Variants in CNTN4 observed in about 807,000 individuals in gnomAD.
The protein encoded by CNTN4 is contactin 4, also known as contactin-4.
Under a neutral mutation model 122.5 loss-of-function variants are expected in CNTN4, and 77 were observed. That is an observed-to-expected ratio of 0.63 (90% CI 0.52 to 0.76). The LOEUF is 0.76. Among genes scored for constraint, CNTN4 ranks in the 30% least tolerant of loss-of-function variants. The pLI is 0.00. For missense variants in CNTN4, 1,256 were observed against 1,259.1 expected, an observed-to-expected ratio of 1.00 and a Z score of 0.04; for synonymous variants, 512 against 447.0, an observed-to-expected ratio of 1.15 and a Z score of -1.83.
intron 2 of CNTN4, among the ~76,000 whole-genome samples, chr3:2,130,939 C>T (rs1332195036): frequency 6.6e-6 from 1 of 152,104 alleles, no homozygotes; most frequent in Non-Finnish European, 1.5e-5. Context: ...TCATAAAGAG[C>T]ATCTTTTTCA....
intron 4 of CNTN4, among the ~76,000 whole-genome samples, chr3:2,649,011 A>G (rs1391415400): frequency 1.3e-5 from 2 of 152,182 alleles, no homozygotes; most frequent in African/African-American, 4.8e-5. Flanking sequence ...AATCCAAAGC[A>G]AGGCCCTAAT....
intron 4 of CNTN4, among the ~76,000 whole-genome samples, chr3:2,646,976 A>T (rs554023336): frequency 1.6e-4 from 25 of 152,340 alleles, no homozygotes; most frequent in Middle Eastern, 3.4e-3. Context: ...TTGGGGAAAC[A>T]TAATTTAGCT....
chr3:2,700,047 TA>T (rs1178669455), intron 4 of CNTN4, among the ~76,000 whole-genome samples: 1 of 152,060 alleles, frequency 6.6e-6, no homozygotes, highest in Non-Finnish European at 1.5e-5. Flanking sequence ...CTGCCTACCC[TA>T]ATCATTCCAC....
intron 4 of CNTN4, among the ~76,000 whole-genome samples, chr3:2,632,833 G>A (rs1324347609): frequency 6.6e-6 from 1 of 152,066 alleles, no homozygotes; most frequent in Non-Finnish European, 1.5e-5. Flanking sequence ...GAAAAGCTGA[G>A]TAAATTCCCC....
At chr3:2,926,961 C>T (rs1156425193) in intron 13 of CNTN4, among the ~76,000 whole-genome samples, 1 of 152,128 alleles carries the variant, frequency 6.6e-6, no homozygotes, top group Non-Finnish European at 1.5e-5. Flanking sequence ...CAGTCATCAA[C>T]ATGAGATTCA....
intron 6 of CNTN4, among the ~76,000 whole-genome samples, chr3:2,770,774 A>G (rs1368632712): frequency 6.6e-6 from 1 of 152,198 alleles, no homozygotes; most frequent in Non-Finnish European, 1.5e-5. Flanking sequence ...TTGACAGGCA[A>G]TGCTTAGTGT....
chr3:2,122,502 G>T (rs1167091317), intron 2 of CNTN4, among the ~76,000 whole-genome samples: 1 of 152,092 alleles, frequency 6.6e-6, no homozygotes, highest in Non-Finnish European at 1.5e-5. Context: ...TTGTACAAAG[G>T]CCATAATACT....
intron 13 of CNTN4, among the ~76,000 whole-genome samples, chr3:2,932,291 T>C (rs1307538594): frequency 6.6e-6 from 1 of 152,114 alleles, no homozygotes. Flanking sequence ...GGCAGGAGAA[T>C]GGCGTGAACC....
chr3:2,933,511 G>A (rs1029191881), intron 13 of CNTN4, among the ~76,000 whole-genome samples: 1 of 152,156 alleles, frequency 6.6e-6, no homozygotes, highest in Non-Finnish European at 1.5e-5. Context: ...CAAAAGGAAA[G>A]CAGTGTTGCG....
intron 3 of CNTN4, among the ~76,000 whole-genome samples, chr3:2,502,623 A>T (rs1488438860): frequency 1.3e-5 from 2 of 151,992 alleles, no homozygotes; most frequent in Admixed American, 6.6e-5. Flanking sequence ...TTCACACATA[A>T]TTTTGTTATT....
chr3:2,884,632 T>A (rs2093949215), intron 9 of CNTN4, among the ~76,000 whole-genome samples: 1 of 152,176 alleles, frequency 6.6e-6, no homozygotes, highest in South Asian at 2.1e-4. Context: ...TTTTAAAGTA[T>A]TTGTGTATAA....
At chr3:2,744,595 G>T (rs940280684) in intron 5 of CNTN4, among the ~76,000 whole-genome samples, 3 of 152,228 alleles carry the variant, frequency 2.0e-5, no homozygotes, top group African/African-American at 7.2e-5. Context: ...TGTAAGAGTT[G>T]TGGGGGTAAA....
At position 2,385,839 on chromosome 3, in the gene CNTN4, C is replaced by T. The variant is rs747441578; in HGVS notation, c.-89+46606C>T. 1.3e-5 allele frequency among the ~76,000 whole-genome samples: 2 copies of T among 151,980 alleles called. No individual in the cohort carries two copies. The highest frequency in any genetic ancestry group is 1.9e-4 in the East Asian group (1 of 5,172). The stretch of plus-strand genomic sequence containing the variant: ...CAAATAAGGTCACATTCACACGTAC[C>T]AGGGGTCAAGACTTCAACACATCTT... On this transcript the variant is annotated intron_variant, in intron 3 of 24. Coordinates refer to ENST00000418658, the MANE Select transcript of CNTN4 (RefSeq NM_175607.3). The surrounding 1 kb of genome is among the most constrained non-coding windows in gnomAD (Gnocchi z 4.0).
chr3:2,206,321 T>C (rs917096951), intron 2 of CNTN4, among the ~76,000 whole-genome samples: 3 of 152,084 alleles, frequency 2.0e-5, no homozygotes, highest in African/African-American at 4.8e-5. Flanking sequence ...GGCTTCTGTA[T>C]CTAGGGATGA....
intron 3 of CNTN4, among the ~76,000 whole-genome samples, chr3:2,460,560 C>G (rs1266186047): frequency 1.3e-5 from 2 of 152,090 alleles, no homozygotes; most frequent in African/African-American, 2.4e-5. Context: ...GTACATGACC[C>G]CTTTATCCTC....
chr3:3,004,815 G>A (rs756311384), intron 14 of CNTN4, among the ~76,000 whole-genome samples: 18 of 152,310 alleles, frequency 1.2e-4, no homozygotes, highest in East Asian at 1.2e-3. Context: ...ATGCCATTGT[G>A]TACTTGGCTT....
chr3:2,332,971 C>G (rs1364349145), intron 2 of CNTN4, among the ~76,000 whole-genome samples: 1 of 152,176 alleles, frequency 6.6e-6, no homozygotes, highest in African/African-American at 2.4e-5. Context: ...TCTCCAAATT[C>G]TAAACCATGT....
chr3:2,687,245 C>A, intron 4 of CNTN4, among the ~76,000 whole-genome samples: 1 of 7,138 alleles, frequency 1.4e-4, no homozygotes, highest in African/African-American at 4.8e-4. Flanking sequence ...GCTGAGCAGA[C>A]ATTGCCTTCT....
At chr3:2,453,054 A>G (rs1213641860) in intron 3 of CNTN4, among the ~76,000 whole-genome samples, 1 of 152,172 alleles carries the variant, frequency 6.6e-6, no homozygotes, top group Non-Finnish European at 1.5e-5. Flanking sequence ...AATGATATAC[A>G]CTGAAGCAGT....
Sources: allele counts gnomAD v4.1 joint callset (sites outside exome capture counted in the v4.1 genomes callset), GRCh38; gene constraint gnomAD v4.1.1; non-coding constraint Gnocchi (gnomAD v3.1); transcripts MANE v1.5; gene names NCBI Gene and HGNC (gene_info 2026-07-23, HGNC 2026-07-21).